The following MOB2 variants were observed in gnomAD, a reference collection of about 807,000 sequenced individuals.
MOB2 encodes MOB2 Mps One Binder homolog.
MOB2 carries 14 observed loss-of-function variants against 27.4 expected under a neutral mutation model. That is an observed-to-expected ratio of 0.51 (90% CI 0.34 to 0.80). The LOEUF (loss-of-function observed/expected upper bound fraction) is 0.80. MOB2 is among the 30% of genes least tolerant of loss of function. The pLI is 0.01. For synonymous variants in MOB2, 167 were observed against 151.8 expected (o/e 1.10, Z -0.74); for missense variants, 304 against 354.6 (o/e 0.86, Z 1.15).
chr11:1,486,355 C>T (rs991755088), intron 1 of MOB2, 92 bp downstream of exon 1: 11 of 987,142 alleles, frequency 1.1e-5, no homozygotes, highest in African/African-American at 1.6e-5. Context: ...CACAGTCCGC[C>T]GCCTCCCCAC....
chr11:1,470,103 C>T lies in MOB2; in HGVS notation c.*69G>A, dbSNP rs956075985. The T allele has an allele frequency of 5.2e-6, 8 of 1,547,660 alleles. No individual in the cohort carries two copies. Among genetic ancestry groups the T allele is most frequent in the African/African-American group, 2.7e-5 (2 of 73,080 alleles). On this transcript the variant is annotated 3_prime_UTR_variant, in exon 5 of 5. Transcript: ENST00000329957. Reference sequence around the variant, plus strand: ...CGCGTGCCCAGCACATGTGTGCACACGCAGATGCAGGAGAGAACACACACC... The same window carrying T: ...CGCGTGCCCAGCACATGTGTGCACATGCAGATGCAGGAGAGAACACACACC...
Position 1,469,515 on chromosome 11 carries a change from C to T in MOB2, c.*657G>A, listed in dbSNP as rs557998443. 4.5e-4 allele frequency: 204 copies of T among 455,210 alleles called. 1 individual carries two copies. The highest frequency in any genetic ancestry group is 3.1e-3 in the South Asian group (199 of 64,532). The allele number at this position is 455,210 out of a possible 1,614,324, so 28.2% of individuals were successfully genotyped here. ...CAGATGAACTAAGGTAAGCGGGTCT[C>T]AGCCTTCCGCTGGTGCAGCATCTCC... On this transcript the variant is annotated 3_prime_UTR_variant, in exon 5 of 5. Coordinates refer to ENST00000329957, the MANE Select transcript of MOB2 (RefSeq NM_001172223.3).
chr11:1,481,279 T>C, intron 1 of MOB2: 1 of 286,668 alleles, frequency 3.5e-6, no homozygotes, highest in South Asian at 3.0e-5. Context: ...ACTCCTGGCT[T>C]CTTTTGAGTT....
Position 1,470,402 on chromosome 11 carries a change from G to T in MOB2, c.577C>A (p.His193Asn). The change falls in exon 5 of 5, where the codon CAC becomes AAC. Residue 193 changes from histidine to asparagine, a missense_variant. Physicochemically the swap from His to Asn is moderately conservative, Grantham distance 68. Transcript: ENST00000329957. ...FHVLAHIYWA[H>N]FKETLALELH... ...TCCAGGGCCAGCGTCTCCTTGAAGT[G>T]GGCCCAGTAGATGTGTGCCAGCACG... 1 of 1,613,714 alleles carries T rather than the reference G, an allele frequency of 6.2e-7. No individual in the cohort carries two copies. The highest frequency in any genetic ancestry group is 8.5e-7 in the Non-Finnish European group (1 of 1,179,878).
At chr11:1,478,655 G>A (rs1003385308) in intron 3 of MOB2, among the ~76,000 whole-genome samples, 21 of 152,200 alleles carry the variant, frequency 1.4e-4, no homozygotes, top group Admixed American at 6.5e-5. Context: ...ATCTGCACGT[G>A]TCTGTGAGCC....
At chr11:1,480,991 C>T in intron 1 of MOB2, 106 bp from the exon 2 acceptor site, 2 of 1,376,204 alleles carry the variant, frequency 1.5e-6, no homozygotes, top group Non-Finnish European at 2.0e-6. Context: ...GCTGCCCGAG[C>T]CCATCGGGGC....
chr11:1,485,029 C>T (rs1847955717), intron 1 of MOB2, among the ~76,000 whole-genome samples: 1 of 152,222 alleles, frequency 6.6e-6, no homozygotes, highest in South Asian at 2.1e-4. Flanking sequence ...ACATCCCAGA[C>T]CAAACGTCCA....
Position 1,469,677 on chromosome 11 carries a change from C to A in MOB2, c.*495G>T, listed in dbSNP as rs758401108. 63 of 457,668 alleles carry A rather than the reference C, an allele frequency of 1.4e-4. No individual in the cohort carries two copies. The highest frequency in any genetic ancestry group is 1.1e-3 in the African/African-American group (57 of 50,232). The allele number at this position is 457,668 out of a possible 1,614,324, so 28.4% of individuals were successfully genotyped here. On this transcript the variant is annotated 3_prime_UTR_variant, in exon 5 of 5. Transcript: ENST00000329957. ...CACCTCACACCACAGGCCTCCCCCA[C>A]CTCTGAGCTGCCAACAGCCAAGACT...
At chr11:1,484,652 C>A (rs1254072079) in intron 1 of MOB2, among the ~76,000 whole-genome samples, 2 of 152,118 alleles carry the variant, frequency 1.3e-5, no homozygotes, top group Non-Finnish European at 2.9e-5. Context: ...TTGGCGCCAC[C>A]CCCACCCCTA....
At chr11:1,478,688 C>T (rs764594774) in intron 3 of MOB2, among the ~76,000 whole-genome samples, 4 of 152,184 alleles carry the variant, frequency 2.6e-5, no homozygotes, top group Non-Finnish European at 4.4e-5. Context: ...TGCTTAGCTT[C>T]TTAAGTCTGC....
At chr11:1,475,386 G>T (rs1001050219) in intron 3 of MOB2, among the ~76,000 whole-genome samples, 3 of 152,162 alleles carry the variant, frequency 2.0e-5, no homozygotes, top group Admixed American at 1.3e-4. Context: ...ACCCCCAGGG[G>T]ATGCCTGAAG....
At position 1,486,593 on chromosome 11, in the gene MOB2, C is replaced by T. The variant is rs544969318; in HGVS notation, c.-37G>A. 25 of 1,440,348 alleles carry T rather than the reference C, an allele frequency of 1.7e-5. No individual in the cohort carries two copies. Among genetic ancestry groups the T allele is most frequent in the Admixed American group, 7.9e-5 (4 of 50,678 alleles). 89.2% of individuals were successfully genotyped at this position (1,440,348 alleles called of 1,614,324 possible). On this transcript the variant is annotated 5_prime_UTR_variant, in exon 1 of 5. Transcript: ENST00000329957. ...GGGAAGGTGGGGAGGAGAAGCGGGG[C>T]GGGGTGCCGGCTGGCCAGCACTCGC...
intron 3 of MOB2, among the ~76,000 whole-genome samples, chr11:1,478,130 G>C (rs1847872031): frequency 6.6e-6 from 1 of 152,220 alleles, no homozygotes; most frequent in African/African-American, 2.4e-5. Flanking sequence ...CTGGAGCATA[G>C]CAGCTCTCTT....
At chr11:1,472,099 T>C (rs1847799823) in intron 3 of MOB2, 1 of 152,158 alleles carries the variant, frequency 6.6e-6, no homozygotes, top group Non-Finnish European at 1.5e-5. Flanking sequence ...GGTCCAGCCA[T>C]GACAAGGGTG....
chr11:1,477,380 C>T (rs1316543897), intron 3 of MOB2, among the ~76,000 whole-genome samples: 3 of 152,190 alleles, frequency 2.0e-5, no homozygotes, highest in African/African-American at 7.2e-5. Flanking sequence ...CTCAGCACAT[C>T]TTGTCCTCTT....
chr11:1,475,721 C>T (rs1186087074), intron 3 of MOB2, among the ~76,000 whole-genome samples: 1 of 152,206 alleles, frequency 6.6e-6, no homozygotes, highest in African/African-American at 2.4e-5. Flanking sequence ...CCTCCTCCAC[C>T]CACAGATCCA....
chr11:1,474,265 GT>G (rs1383220173), intron 3 of MOB2, among the ~76,000 whole-genome samples: 3 of 152,214 alleles, frequency 2.0e-5, no homozygotes, highest in African/African-American at 7.2e-5. Context: ...GGACTGTTTT[GT>G]TTTCTTACTG....
At chr11:1,478,551 T>C (rs932247584) in intron 3 of MOB2, among the ~76,000 whole-genome samples, 1 of 152,206 alleles carries the variant, frequency 6.6e-6, no homozygotes, top group Non-Finnish European at 1.5e-5. Context: ...CGGCATCTGT[T>C]GTCAGTACCA....
At chr11:1,481,063 G>T in intron 1 of MOB2, 178 bp from the exon 2 acceptor site, 1 of 762,478 alleles carries the variant, frequency 1.3e-6, no homozygotes, top group Non-Finnish European at 2.1e-6. Flanking sequence ...AGGCTGCTCC[G>T]CAGAGGGGCC....
Sources: allele counts gnomAD v4.1 joint callset (sites outside exome capture counted in the v4.1 genomes callset), GRCh38; gene constraint gnomAD v4.1.1; transcripts MANE v1.5; gene names NCBI Gene and HGNC (gene_info 2026-07-23, HGNC 2026-07-21).